FRMD5: variants seen among roughly 807,000 people sequenced by gnomAD.
The protein encoded by FRMD5 is FERM domain-containing protein 5.
FRMD5 carries 20 observed loss-of-function variants against 69.0 expected under a neutral mutation model. The observed-to-expected ratio is 0.29, with a 90% CI of 0.20 to 0.42. The LOEUF (loss-of-function observed/expected upper bound fraction) is 0.42. FRMD5 is among the 10% of genes least tolerant of loss of function. The pLI, the probability that FRMD5 is intolerant of heterozygous loss-of-function variation, is 1.00. For missense variants in FRMD5, 595 were observed against 708.6 expected (o/e 0.84, Z 1.82); for synonymous variants, 271 against 260.1 (o/e 1.04, Z -0.40).
At position 44,024,748 on chromosome 15, in the gene FRMD5, CTTTG is replaced by C. The variant is rs1459201645; in HGVS notation, c.103-100443_103-100440del. Among the ~76,000 whole-genome samples, 5 of 152,078 alleles carry C rather than the reference CTTTG, an allele frequency of 3.3e-5. No individual in the cohort carries two copies. In the East Asian group the frequency reaches 9.6e-4, roughly 29 times the overall value. ...TCTTCTCAAAGTCTGTTATTTTTAT[CTTTG>C]TTTATAGTAAGCATGGGTTTTCTCA... On this transcript the variant is annotated intron_variant, in intron 1 of 13. Coordinates refer to ENST00000417257, the MANE Select transcript of FRMD5 (RefSeq NM_032892.5).
In FRMD5 at chr15:44,033,676, C is replaced by T. The variant is rs756415436; in HGVS notation, c.103-109367G>A. On this transcript the variant is annotated intron_variant, in intron 1 of 13. Coordinates refer to ENST00000417257, the MANE Select transcript of FRMD5 (RefSeq NM_032892.5). ...TTTAGTTCTGAGCTAATTTCAAAAACGGGAAGAGAAAAGGCAGTAGAATAT... is the reference window on the plus strand; with the variant it reads ...TTTAGTTCTGAGCTAATTTCAAAAATGGGAAGAGAAAAGGCAGTAGAATAT... 2.9e-4 allele frequency among the ~76,000 whole-genome samples: 44 copies of T among 152,106 alleles called. No homozygotes were observed. In the South Asian group the frequency reaches 4.8e-3, roughly 17 times the overall value.
At chr15:43,952,544 G>A (rs144555430) in intron 1 of FRMD5, among the ~76,000 whole-genome samples, 3 of 152,294 alleles carry the variant, frequency 2.0e-5, no homozygotes, top group Non-Finnish European at 2.9e-5. Context: ...CTGGGAGCAC[G>A]GCCATCATGC....
intron 1 of FRMD5, among the ~76,000 whole-genome samples, chr15:43,961,893 T>A (rs1005471108): frequency 6.6e-6 from 1 of 152,184 alleles, no homozygotes; most frequent in Admixed American, 6.5e-5. Flanking sequence ...TAGGTATTGA[T>A]GGGATGTATC....
In FRMD5 at chr15:43,953,194, C is replaced by T. The variant is rs116820403; in HGVS notation, c.103-28885G>A. ...CAGTGAAGGAATTCAGTCAGAAGGA[C>T]TTAGCAGCATAGTCTTGGTATCTGC... On this transcript the variant is annotated intron_variant, in intron 1 of 13. Coordinates refer to ENST00000417257, the MANE Select transcript of FRMD5 (RefSeq NM_032892.5). Among the ~76,000 whole-genome samples the T allele has an allele frequency of 5.3e-3, 800 of 152,366 alleles. 6 individuals carry two copies. Among genetic ancestry groups the T allele is most frequent in the African/African-American group, 0.018 (759 of 41,584 alleles).
At chr15:44,122,018 A>G (rs1048464084) in intron 1 of FRMD5, among the ~76,000 whole-genome samples, 2 of 151,800 alleles carry the variant, frequency 1.3e-5, no homozygotes, top group Non-Finnish European at 2.9e-5. Flanking sequence ...AGGAAAAGAA[A>G]TAGTATACTT....
At chr15:44,010,773 TAAAC>T (rs1890682190) in intron 1 of FRMD5, among the ~76,000 whole-genome samples, 1 of 152,026 alleles carries the variant, frequency 6.6e-6, no homozygotes. Flanking sequence ...GAAAGGAAGT[TAAAC>T]AAACATGAAT....
At chr15:44,021,756 A>G (rs1412272100) in intron 1 of FRMD5, among the ~76,000 whole-genome samples, 3 of 152,228 alleles carry the variant, frequency 2.0e-5, no homozygotes, top group Admixed American at 1.3e-4. Context: ...AAAATTAAAC[A>G]TGGAATTACC....
At chr15:43,953,691 A>G (rs2090072139) in intron 1 of FRMD5, among the ~76,000 whole-genome samples, 1 of 151,758 alleles carries the variant, frequency 6.6e-6, no homozygotes, top group Admixed American at 6.6e-5. Context: ...TATAATTTAC[A>G]CTCCTGTGCC....
chr15:43,923,304 A>G (rs2089528686), intron 2 of FRMD5, among the ~76,000 whole-genome samples: 1 of 152,224 alleles, frequency 6.6e-6, no homozygotes, highest in Non-Finnish European at 1.5e-5. Context: ...TTTGCAGGGA[A>G]CACAGGTAAT....
At chr15:43,877,737 C>T (rs2088404298) in intron 13 of FRMD5, among the ~76,000 whole-genome samples, 1 of 152,174 alleles carries the variant, frequency 6.6e-6, no homozygotes, top group South Asian at 2.1e-4. Flanking sequence ...TTGTATAATG[C>T]TTTCATCTTT....
intron 1 of FRMD5, among the ~76,000 whole-genome samples, chr15:44,062,950 C>G (rs1374806037): frequency 6.6e-6 from 1 of 152,176 alleles, no homozygotes; most frequent in Non-Finnish European, 1.5e-5. Flanking sequence ...TCTGGACTCT[C>G]TATTCTGTTT....
intron 1 of FRMD5, among the ~76,000 whole-genome samples, chr15:44,183,577 T>C (rs1264241964): frequency 6.6e-6 from 1 of 152,178 alleles, no homozygotes; most frequent in Non-Finnish European, 1.5e-5. Flanking sequence ...AGGTGTTCAC[T>C]ATGACTCATT....
At chr15:44,161,721 A>G (rs752626684) in intron 1 of FRMD5, among the ~76,000 whole-genome samples, 30 of 152,046 alleles carry the variant, frequency 2.0e-4, no homozygotes, top group South Asian at 6.2e-4. Context: ...GACCTCATCT[A>G]CCTCTGTTCT....
In FRMD5 at chr15:44,063,359, C is replaced by G. The variant is rs979366554; in HGVS notation, c.102+131594G>C. On this transcript the variant is annotated intron_variant, in intron 1 of 13. Coordinates refer to ENST00000417257, the MANE Select transcript of FRMD5 (RefSeq NM_032892.5). ...TCAAATTTATTAGCATAAATTTATTCATGTATTTATGTATTTTAATATAAA... is the reference window on the plus strand; with the variant it reads ...TCAAATTTATTAGCATAAATTTATTGATGTATTTATGTATTTTAATATAAA... Among the ~76,000 whole-genome samples the G allele has an allele frequency of 2.6e-5, 4 of 152,196 alleles. No individual in the cohort carries two copies. The South Asian group carries it at 8.3e-4, about 32-fold the overall frequency.
At chr15:43,885,659 G>T in intron 11 of FRMD5, 22 bp downstream of exon 11, 1 of 1,588,192 alleles carries the variant, frequency 6.3e-7, no homozygotes, top group African/African-American at 1.3e-5. Flanking sequence ...ATCCATAATG[G>T]TTACTTACTG....
intron 1 of FRMD5, among the ~76,000 whole-genome samples, chr15:44,121,988 C>CAAAAA (rs34129381): frequency 2.9e-5 from 2 of 69,996 alleles, no homozygotes; most frequent in Non-Finnish European, 6.1e-5. Context: ...AAGGGAGACT[C>CAAAAA]AAAAAAAAAA....
rs895423707 is a variant in FRMD5 at position 43,901,853 on chromosome 15, G to A, written c.639+322C>T. ...GGAAAGGGTGGGCAGGCACTGAGCC[G>A]CCTCTGATCGTTCTCTGTGGGGGGC... On this transcript the variant is annotated intron_variant, in intron 7 of 13. Transcript: ENST00000417257. The A allele has an allele frequency of 3.6e-5, 11 of 301,960 alleles. No individual in the cohort carries two copies. The East Asian group carries it at 4.9e-4, about 13-fold the overall frequency. The allele number at this position is 301,960 out of a possible 1,614,324, so 18.7% of individuals were successfully genotyped here. A position where few individuals can be genotyped will look rare whatever the true frequency, so the allele number is the denominator to read the frequency against.
At chr15:43,912,921 C>T (rs1360365522) in intron 4 of FRMD5, among the ~76,000 whole-genome samples, 1 of 149,840 alleles carries the variant, frequency 6.7e-6, no homozygotes, top group East Asian at 2.0e-4. Flanking sequence ...ATCCCAATTA[C>T]TTGGGAGAGG....
chr15:44,104,340 A>G (rs2076682383), intron 1 of FRMD5, among the ~76,000 whole-genome samples: 1 of 152,236 alleles, frequency 6.6e-6, no homozygotes, highest in Admixed American at 6.5e-5. Flanking sequence ...CAGTAAGCTG[A>G]GCTTAATTTG....
Sources: allele counts gnomAD v4.1 joint callset (sites outside exome capture counted in the v4.1 genomes callset), GRCh38; gene constraint gnomAD v4.1.1; transcripts MANE v1.5; gene names NCBI Gene and HGNC (gene_info 2026-07-23, HGNC 2026-07-21).